The following DACH1 variants were observed in gnomAD, a reference collection of about 807,000 sequenced individuals.
DACH1 encodes dachshund family transcription factor 1, also known as dachshund homolog 1.
A neutral mutation model predicts 54.2 loss-of-function variants in DACH1; 12 were observed. The observed-to-expected ratio is 0.22, with a 90% confidence interval of 0.14 to 0.36. The LOEUF (loss-of-function observed/expected upper bound fraction) is 0.36, where lower values mean the gene tolerates loss of function less well. DACH1 is among the 10% of genes least tolerant of loss of function. The pLI is 1.00. For missense variants in DACH1, 805 were observed against 929.8 expected (o/e 0.87, Z 1.75); for synonymous variants, 386 against 366.2 (o/e 1.05, Z -0.62).
chr13:71,748,159 T>C lies in DACH1; in HGVS notation c.849-66249A>G, dbSNP rs1884685327. Among the ~76,000 whole-genome samples, 8 of 151,876 alleles carry C rather than the reference T, an allele frequency of 5.3e-5. No individual in the cohort carries two copies. In the South Asian group the frequency reaches 1.7e-3, roughly 32 times the overall value. ...ATTAACACGTTGTGAACATGCTCTG[T>C]TAATATTGGGATCTGAAAAAAAAAA... is the stretch of plus-strand genomic sequence containing the variant. On this transcript the variant is annotated intron_variant, in intron 1 of 10. Transcript: ENST00000613252.
chr13:71,609,541 CT>C (rs72225531), intron 3 of DACH1, among the ~76,000 whole-genome samples: 21,069 of 147,912 alleles, frequency 0.14, 3,500 homozygotes, highest in African/African-American at 0.4. Flanking sequence ...TAGAAGTTGA[CT>C]TTTTTTTTTT....
intron 1 of DACH1, among the ~76,000 whole-genome samples, chr13:71,820,105 GAAAA>G (rs59126150): frequency 3.7e-5 from 2 of 54,122 alleles, no homozygotes; most frequent in African/African-American, 1.3e-4. Context: ...TGCCTCTACC[GAAAA>G]AAAAAAAAAA....
chr13:71,572,067 A>G (rs1294929720), intron 4 of DACH1, among the ~76,000 whole-genome samples: 1 of 152,198 alleles, frequency 6.6e-6, no homozygotes, highest in Non-Finnish European at 1.5e-5. Flanking sequence ...TGTAATGTCA[A>G]ATAATGATCA....
intron 2 of DACH1, among the ~76,000 whole-genome samples, chr13:71,663,686 T>C (rs1269310529): frequency 6.6e-6 from 1 of 151,962 alleles, no homozygotes; most frequent in Non-Finnish European, 1.5e-5. Context: ...CCCAGTTTTA[T>C]AGATGCCCAA....
chr13:71,859,229 AG>A (rs1312732430), intron 1 of DACH1, among the ~76,000 whole-genome samples: 1 of 151,814 alleles, frequency 6.6e-6, no homozygotes, highest in East Asian at 1.9e-4. Context: ...AACACAATGC[AG>A]TCATTGGCAA....
intron 1 of DACH1, among the ~76,000 whole-genome samples, chr13:71,693,469 ATTTTTTTTT>A (rs748598587): frequency 6.5e-4 from 78 of 119,270 alleles, no homozygotes; most frequent in Non-Finnish European, 1.1e-3. Flanking sequence ...CGCCCGGCAA[ATTTTTTTTT>A]TTTTTTTTTT....
In DACH1 at chr13:71,866,565, T is replaced by G; in HGVS notation, c.205A>C (p.Thr69Pro). 8.0e-7 allele frequency: 1 copy of G among 1,254,720 alleles called. No homozygotes were observed. Among genetic ancestry groups the G allele is most frequent in the Non-Finnish European group, 1.0e-6 (1 of 995,732 alleles). The allele number at this position is 1,254,720 out of a possible 1,614,324, so 77.7% of individuals were successfully genotyped here. A position where few individuals can be genotyped will look rare whatever the true frequency, so the allele number is the denominator to read the frequency against. ...CCGCCGCCGCCGGTAGAGGTGACTG[T>G]GGCCGCCGCCGCCGCCGCCGAAGCG... ...PIASAAAAAA[T>P]VTSTGGGGGG... Residue 69 changes from threonine to proline, a missense_variant, in exon 1 of 11, where the codon ACA (threonine) becomes CCA (proline). By Grantham distance (38) the Thr-to-Pro change is conservative. This residue lies in a region of DACH1 where 305 missense variants were observed against 308.7 expected (regional missense o/e 0.99). Transcript: ENST00000613252.
intron 3 of DACH1, among the ~76,000 whole-genome samples, chr13:71,576,370 G>A (rs1319318144): frequency 2.0e-5 from 3 of 152,122 alleles, no homozygotes; most frequent in Non-Finnish European, 4.4e-5. Context: ...TATGTAAGGA[G>A]TAGGTGTGGG....
intron 3 of DACH1, among the ~76,000 whole-genome samples, chr13:71,606,346 T>C (rs1874880185): frequency 6.6e-6 from 1 of 152,074 alleles, no homozygotes. Context: ...GTCAGTTCAA[T>C]GAATTCACAT....
intron 1 of DACH1, among the ~76,000 whole-genome samples, chr13:71,809,711 T>C (rs866946474): frequency 1.6e-4 from 25 of 152,298 alleles, no homozygotes; most frequent in African/African-American, 6.0e-4. Flanking sequence ...AGCAAATGTA[T>C]GTGCTCAAAT....
chr13:71,734,129 ATATACCC>A (rs1883880647), intron 1 of DACH1, among the ~76,000 whole-genome samples: 5 of 149,954 alleles, frequency 3.3e-5, no homozygotes, highest in Admixed American at 1.3e-4. Context: ...TGGGATACAT[ATATACCC>A]CATATATATG....
chr13:71,485,437 C>T lies in DACH1; in HGVS notation c.1722+3560G>A, dbSNP rs147627344. Among the ~76,000 whole-genome samples the T allele has an allele frequency of 4.2e-3, 633 of 150,040 alleles. 5 individuals are homozygous for T. The highest frequency in any genetic ancestry group is 0.015 in the African/African-American group (604 of 41,124). On this transcript the variant is annotated intron_variant, in intron 7 of 10. Transcript: ENST00000613252. ...CTCAAGCAGTAACAAAAATCTGGTGCCCAATTTTTTATATATATAAATTTT... is the reference window on the plus strand; with the variant it reads ...CTCAAGCAGTAACAAAAATCTGGTGTCCAATTTTTTATATATATAAATTTT...
intron 2 of DACH1, among the ~76,000 whole-genome samples, chr13:71,656,977 A>C (rs1388296381): frequency 7.9e-6 from 1 of 126,800 alleles, no homozygotes; most frequent in Non-Finnish European, 1.7e-5. Flanking sequence ...CATATATATG[A>C]ACATATATAT....
At chr13:71,492,009 T>A (rs1057405720) in intron 6 of DACH1, among the ~76,000 whole-genome samples, 1 of 152,194 alleles carries the variant, frequency 6.6e-6, no homozygotes, top group Admixed American at 6.5e-5. Flanking sequence ...ATTTCTAAGC[T>A]TATCTTTAAG....
At position 71,735,503 on chromosome 13, in the gene DACH1, C is replaced by CGCGTATATGGGATATACGCGTATAT. The variant is rs1884045645; in HGVS notation, c.849-53594_849-53593insATATACGCGTATATCCCATATACGC. On this transcript the variant is annotated intron_variant, in intron 1 of 10. Coordinates refer to ENST00000613252, the MANE Select transcript of DACH1 (RefSeq NM_080759.6). ...CGTGTATATGGGATATACACGTATA[C>CGCGTATATGGGATATACGCGTATAT]GGGATATACGTGTATATGGGATATA... 2.1e-4 allele frequency among the ~76,000 whole-genome samples: 2 copies of CGCGTATATGGGATATACGCGTATAT among 9,558 alleles called. 1 individual carries two copies. The highest frequency in any genetic ancestry group is 1.8e-3 in the Admixed American group (2 of 1,098). 6.3% of individuals were successfully genotyped at this position (9,558 alleles called of 152,430 possible).
At chr13:71,823,514 T>C (rs909955846) in intron 1 of DACH1, among the ~76,000 whole-genome samples, 6 of 152,058 alleles carry the variant, frequency 3.9e-5, no homozygotes, top group African/African-American at 1.2e-4. Context: ...GGTATTACAA[T>C]CCAAATCATC....
chr13:71,737,702 A>G (rs1450699743), intron 1 of DACH1, among the ~76,000 whole-genome samples: 5 of 152,330 alleles, frequency 3.3e-5, no homozygotes, highest in Middle Eastern at 3.4e-3. Flanking sequence ...CAAGGAAATC[A>G]TTTAGAAGAT....
intron 10 of DACH1, among the ~76,000 whole-genome samples, chr13:71,449,257 C>T (rs1028155512): frequency 3.3e-5 from 5 of 151,822 alleles, no homozygotes; most frequent in Non-Finnish European, 5.9e-5. Flanking sequence ...ACCTGGAAGG[C>T]GGAGATTGCA....
In DACH1 at chr13:71,835,336, T is replaced by C. The variant is rs1317182450; in HGVS notation, c.848+30586A>G. Among the ~76,000 whole-genome samples, 3 of 152,062 alleles carry C rather than the reference T, an allele frequency of 2.0e-5. No individual in the cohort carries two copies. The East Asian group carries it at 5.8e-4, about 29-fold the overall frequency. On this transcript the variant is annotated intron_variant, in intron 1 of 10. Coordinates refer to ENST00000613252, the MANE Select transcript of DACH1 (RefSeq NM_080759.6). The stretch of plus-strand genomic sequence containing the variant: ...AAGAAGTAAACTAAAGAAAAAATAT[T>C]GTATGGAGAAGTCTGAATTAAAATG...
Sources: gnomAD v4.1 joint callset for allele counts (sites outside exome capture counted in the v4.1 genomes callset) on GRCh38, gnomAD v4.1.1 for gene constraint, gnomAD v4.1.1 regional missense constraint, MANE v1.5 for transcripts, NCBI Gene and HGNC (gene_info 2026-07-23, HGNC 2026-07-21) for gene names.